Variants in ATG5 observed in about 807,000 individuals in gnomAD.
The protein encoded by ATG5 is autophagy protein 5.
Under a neutral mutation model 36.5 loss-of-function variants are expected in ATG5, and 14 were observed. That is an observed-to-expected ratio of 0.38 (90% CI 0.25 to 0.60). ATG5 has a LOEUF of 0.60. Among genes scored for constraint, ATG5 ranks in the 20% least tolerant of loss-of-function variants. The probability of loss-of-function intolerance (pLI) is 0.60; values close to 1 mark genes in which losing one functional copy is unlikely to be tolerated. For missense variants in ATG5, 195 were observed against 326.7 expected, an observed-to-expected ratio of 0.60 and a Z score of 3.11; for synonymous variants, 95 against 101.5, an observed-to-expected ratio of 0.94 and a Z score of 0.38.
At chr6:106,243,260 G>C (rs1778196351) in intron 6 of ATG5, among the ~76,000 whole-genome samples, 1 of 150,790 alleles carries the variant, frequency 6.6e-6, no homozygotes, top group Admixed American at 6.6e-5. Context: ...ATCGTCAATG[G>C]GAAAGGAAGC....
At chr6:106,243,277 C>T (rs1404753009) in intron 6 of ATG5, among the ~76,000 whole-genome samples, 2 of 152,166 alleles carry the variant, frequency 1.3e-5, no homozygotes, top group Non-Finnish European at 2.9e-5. Flanking sequence ...AAGCAGAATT[C>T]TGAGGATTAT....
At position 106,259,609 on chromosome 6, in the gene ATG5, T is replaced by TTTCTTACATTCTTACATC. The variant is rs572435240; in HGVS notation, c.479-11366_479-11365insGATGTAAGAATGTAAGAA. The stretch of plus-strand genomic sequence containing the variant: ...ACTTCCTATATTTCCCTTCATCACC[T>TTTCTTACATTCTTACATC]TGTCTCTTCTGCTCCTTTCTTACAT... On this transcript the variant is annotated intron_variant, in intron 5 of 7. Coordinates refer to ENST00000369076, the MANE Select transcript of ATG5 (RefSeq NM_004849.4). Among the ~76,000 whole-genome samples, 649 of 152,354 alleles carry TTTCTTACATTCTTACATC rather than the reference T, an allele frequency of 4.3e-3. 7 individuals carry two copies. Among genetic ancestry groups the TTTCTTACATTCTTACATC allele is most frequent in the Admixed American group, 8.3e-3 (127 of 15,308 alleles).
chr6:106,265,168 CA>C (rs748718301), intron 5 of ATG5, among the ~76,000 whole-genome samples: 8,820 of 56,792 alleles, frequency 0.16, 349 homozygotes, highest in Admixed American at 0.31. Flanking sequence ...AAATGGAAAG[CA>C]AAAAAAAAAA....
At position 106,242,222 on chromosome 6, in the gene ATG5, C is replaced by T. The variant is rs1053499606; in HGVS notation, c.573+5928G>A. 3.3e-5 allele frequency among the ~76,000 whole-genome samples: 5 copies of T among 152,086 alleles called. No homozygotes were observed. The East Asian group carries it at 5.8e-4, about 18-fold the overall frequency. The stretch of plus-strand genomic sequence containing the variant: ...CTCGAACTCCTGGGCTCAAGCAAAC[C>T]GCCTGCCTCAGCTTCCCAAAGTGCT... On this transcript the variant is annotated intron_variant, in intron 6 of 7. Transcript: ENST00000369076.
At chr6:106,276,710 C>T (rs1013324859) in intron 5 of ATG5, among the ~76,000 whole-genome samples, 55 of 152,166 alleles carry the variant, frequency 3.6e-4, no homozygotes, top group African/African-American at 1.3e-3. Context: ...ACTTAACTGT[C>T]TAATTAAATT....
chr6:106,206,179 CCT>C (rs1252074117), intron 6 of ATG5, among the ~76,000 whole-genome samples: 16 of 151,090 alleles, frequency 1.1e-4, no homozygotes, highest in African/African-American at 3.9e-4. Context: ...AGGGCAGAGT[CCT>C]CAAGAATGGG....
At chr6:106,229,026 G>A (rs1484444550) in intron 6 of ATG5, among the ~76,000 whole-genome samples, 2 of 152,236 alleles carry the variant, frequency 1.3e-5, no homozygotes, top group East Asian at 1.9e-4. Context: ...CCATGCGTGC[G>A]CTCCTACCTT....
intron 5 of ATG5, among the ~76,000 whole-genome samples, chr6:106,269,670 GGGCCGGCAGGGCC>G (rs1433624253): frequency 2.0e-5 from 3 of 152,210 alleles, no homozygotes; most frequent in African/African-American, 7.2e-5. Context: ...TCATTGCCCG[GGGCCGGCAGGGCC>G]GGCCGGCTGC....
chr6:106,272,252 G>C (rs1266342592), intron 5 of ATG5, among the ~76,000 whole-genome samples: 3 of 152,154 alleles, frequency 2.0e-5, no homozygotes, highest in Non-Finnish European at 1.5e-5. Context: ...CAGCCAAAGG[G>C]ATGTCTTAAA....
At chr6:106,224,506 T>C (rs1054160375) in intron 6 of ATG5, among the ~76,000 whole-genome samples, 2 of 152,012 alleles carry the variant, frequency 1.3e-5, no homozygotes, top group South Asian at 2.1e-4. Flanking sequence ...ACAGAAGAAG[T>C]AGATTATGTA....
chr6:106,263,772 A>G (rs1326415052), intron 5 of ATG5, among the ~76,000 whole-genome samples: 1 of 152,040 alleles, frequency 6.6e-6, no homozygotes, highest in Non-Finnish European at 1.5e-5. Context: ...GGGCCCTAAC[A>G]AAAAGAAAAT....
At chr6:106,225,817 T>C (rs1298012198) in intron 6 of ATG5, among the ~76,000 whole-genome samples, 2 of 152,122 alleles carry the variant, frequency 1.3e-5, no homozygotes, top group Admixed American at 6.5e-5. Flanking sequence ...TTGTGGAAAA[T>C]CAGTGGCAAT....
intron 1 of ATG5, among the ~76,000 whole-genome samples, chr6:106,321,655 G>A (rs1365679592): frequency 6.6e-6 from 1 of 152,164 alleles, no homozygotes; most frequent in Non-Finnish European, 1.5e-5. Context: ...ACCGCGCCTG[G>A]CCAACTCTTA....
At chr6:106,306,003 T>C (rs906694673) in intron 3 of ATG5, among the ~76,000 whole-genome samples, 3 of 152,198 alleles carry the variant, frequency 2.0e-5, no homozygotes, top group Non-Finnish European at 2.9e-5. Flanking sequence ...AAAAGTCATA[T>C]AGCTACAATG....
At position 106,323,107 on chromosome 6, in the gene ATG5, T is replaced by G. The variant is rs575505338; in HGVS notation, c.-59+2419A>C. Among the ~76,000 whole-genome samples the G allele has an allele frequency of 4.2e-4, 64 of 151,952 alleles. 1 individual carries two copies. The South Asian group carries it at 1.0e-2, about 24-fold the overall frequency. On this transcript the variant is annotated intron_variant, in intron 1 of 7. Coordinates refer to ENST00000369076, the MANE Select transcript of ATG5 (RefSeq NM_004849.4). ...GTTTGTTTTTTTTGTTTGTTTGTTT[T>G]TTTGTATTTTTAGTAGAGACGGGGT...
chr6:106,222,928 T>C (rs1777307141), intron 6 of ATG5, among the ~76,000 whole-genome samples: 2 of 152,248 alleles, frequency 1.3e-5, no homozygotes, highest in South Asian at 2.1e-4. Flanking sequence ...CTGCTATTAT[T>C]ATTCATCTAA....
intron 1 of ATG5, among the ~76,000 whole-genome samples, chr6:106,323,419 C>T (rs1010857631): frequency 6.6e-6 from 1 of 151,326 alleles, no homozygotes; most frequent in African/African-American, 2.4e-5. Flanking sequence ...GGACTACAGG[C>T]TCATGCCACT....
At chr6:106,238,972 T>C (rs75238233) in intron 6 of ATG5, among the ~76,000 whole-genome samples, 1 of 152,278 alleles carries the variant, frequency 6.6e-6, no homozygotes, top group South Asian at 2.1e-4. Context: ...TAACTTAGTA[T>C]CATTTCTAAT....
intron 6 of ATG5, among the ~76,000 whole-genome samples, chr6:106,217,768 CAATGT>C (rs1562217386): frequency 6.6e-6 from 1 of 152,112 alleles, no homozygotes; most frequent in African/African-American, 2.4e-5. Flanking sequence ...CTATTATTTA[CAATGT>C]AAGTACCTAT....
Sources: allele counts gnomAD v4.1 joint callset (sites outside exome capture counted in the v4.1 genomes callset), GRCh38; gene constraint gnomAD v4.1.1; transcripts MANE v1.5; gene names NCBI Gene and HGNC (gene_info 2026-07-23, HGNC 2026-07-21).